The following DCBLD2 variants were observed in gnomAD, a reference collection of about 807,000 sequenced individuals.
The protein encoded by DCBLD2 is discoidin, CUB and LCCL domain containing 2.
Under a neutral mutation model 86.8 loss-of-function variants are expected in DCBLD2, and 54 were observed. That is an observed-to-expected ratio of 0.62 (90% CI 0.50 to 0.78). DCBLD2 has a LOEUF of 0.78. DCBLD2 is among the 30% of genes least tolerant of loss of function. The pLI, the probability that DCBLD2 is intolerant of heterozygous loss-of-function variation, is 0.00. For missense variants in DCBLD2, 908 were observed against 954.2 expected (o/e 0.95, Z 0.64); for synonymous variants, 354 against 341.3 (o/e 1.04, Z -0.41).
At chr3:98,865,782 C>T (rs1666287733) in intron 2 of DCBLD2, among the ~76,000 whole-genome samples, 1 of 152,088 alleles carries the variant, frequency 6.6e-6, no homozygotes, top group South Asian at 2.1e-4. Flanking sequence ...CATATGTATA[C>T]ATGTGACACG....
At chr3:98,875,997 G>T (rs963238828) in intron 2 of DCBLD2, among the ~76,000 whole-genome samples, 1 of 151,960 alleles carries the variant, frequency 6.6e-6, no homozygotes, top group Non-Finnish European at 1.5e-5. Flanking sequence ...ATAGGAAGAA[G>T]CTTTCTAACT....
chr3:98,863,694 C>T (rs555267464), intron 2 of DCBLD2, among the ~76,000 whole-genome samples: 2 of 152,190 alleles, frequency 1.3e-5, no homozygotes, highest in African/African-American at 4.8e-5. Context: ...CTTCCTTACA[C>T]CTTATACAAA....
intron 2 of DCBLD2, among the ~76,000 whole-genome samples, chr3:98,870,124 A>C (rs1163358368): frequency 9.4e-6 from 1 of 106,030 alleles, no homozygotes; most frequent in Non-Finnish European, 2.1e-5. Context: ...GTAGACGGTG[A>C]GAGATAGGGA....
chr3:98,839,208 T>TTCCTTCC lies in DCBLD2; in HGVS notation c.571+10252_571+10253insGGAAGGA, dbSNP rs1401408187. Among the ~76,000 whole-genome samples, 116 of 107,646 alleles carry TTCCTTCC rather than the reference T, an allele frequency of 1.1e-3. 1 individual carries two copies. Among genetic ancestry groups the TTCCTTCC allele is most frequent in the African/African-American group, 3.4e-3 (114 of 33,518 alleles). The allele number at this position is 107,646 out of a possible 152,430, so 70.6% of individuals were successfully genotyped here. ...CCTTCCTTCCTTCCTTCCTTCCTTC[T>TTCCTTCC]TTCTTTCCTTCTTTCCTTCTCTCTC... On this transcript the variant is annotated intron_variant, in intron 3 of 15. Coordinates refer to ENST00000326840, the MANE Select transcript of DCBLD2 (RefSeq NM_080927.4).
intron 4 of DCBLD2, among the ~76,000 whole-genome samples, chr3:98,823,521 G>C (rs978672841): frequency 1.3e-5 from 2 of 152,142 alleles, no homozygotes; most frequent in African/African-American, 4.8e-5. Flanking sequence ...GCAGTACTAG[G>C]TACTGGGTTT....
At chr3:98,888,693 C>T (rs934447248) in intron 1 of DCBLD2, among the ~76,000 whole-genome samples, 1 of 151,882 alleles carries the variant, frequency 6.6e-6, no homozygotes, top group Admixed American at 6.6e-5. Flanking sequence ...TACAATCTGG[C>T]GAAAGTTAAG....
intron 2 of DCBLD2, among the ~76,000 whole-genome samples, chr3:98,875,439 G>C (rs1045997594): frequency 6.6e-6 from 1 of 152,046 alleles, no homozygotes; most frequent in African/African-American, 2.4e-5. Flanking sequence ...GAAAAAAAAA[G>C]AGCTCTTGGT....
intron 3 of DCBLD2, among the ~76,000 whole-genome samples, chr3:98,842,065 A>G (rs1451139577): frequency 2.6e-5 from 4 of 152,220 alleles, no homozygotes; most frequent in Non-Finnish European, 4.4e-5. Context: ...ACTCCATCTC[A>G]AAAAAGAAAG....
rs1559794673 is a variant in DCBLD2, at chr3:98,870,806, A to AAAGAAAGAAAGAAAGGAAGG, written c.433+10733_433+10734insCCTTCCTTTCTTTCTTTCTT. Among the ~76,000 whole-genome samples the AAAGAAAGAAAGAAAGGAAGG allele has an allele frequency of 1.3e-3, 164 of 123,388 alleles. 1 individual carries two copies. Among genetic ancestry groups the AAAGAAAGAAAGAAAGGAAGG allele is most frequent in the South Asian group, 2.4e-3 (9 of 3,730 alleles). 80.9% of individuals were successfully genotyped at this position (123,388 alleles called of 152,430 possible). A position where few individuals can be genotyped will look rare whatever the true frequency, so the allele number is the denominator to read the frequency against. On this transcript the variant is annotated intron_variant, in intron 2 of 15. Transcript: ENST00000326840. ...GAAAGAAAGAAAGAAAGAAAGAAAG[A>AAAGAAAGAAAGAAAGGAAGG]AAGAAAGGTAGGCAGGCATTGGTGG...
At chr3:98,822,518 G>T in intron 5 of DCBLD2, 151 bp downstream of exon 5, 2 of 1,240,676 alleles carry the variant, frequency 1.6e-6, no homozygotes, top group Non-Finnish European at 2.2e-6. Context: ...AACAGTTTTA[G>T]CAGAAGAAAA....
chr3:98,864,440 A>T (rs569895115), intron 2 of DCBLD2, among the ~76,000 whole-genome samples: 132 of 152,332 alleles, frequency 8.7e-4, no homozygotes, highest in African/African-American at 2.8e-3. Context: ...AATAGCAAAG[A>T]CTTGGAACCA....
intron 3 of DCBLD2, among the ~76,000 whole-genome samples, chr3:98,836,914 C>A (rs1276112873): frequency 3.0e-5 from 2 of 66,972 alleles, no homozygotes; most frequent in African/African-American, 1.2e-4. Context: ...GCTGGCCGGG[C>A]GGGGGGCTGA....
intron 2 of DCBLD2, among the ~76,000 whole-genome samples, chr3:98,862,596 T>G (rs958432513): frequency 3.9e-5 from 6 of 152,192 alleles, no homozygotes; most frequent in African/African-American, 1.4e-4. Context: ...ATCCAGCATA[T>G]AAACAGAACC....
chr3:98,831,749 G>T (rs894649780), intron 3 of DCBLD2, among the ~76,000 whole-genome samples: 14 of 152,064 alleles, frequency 9.2e-5, no homozygotes, highest in African/African-American at 3.1e-4. Context: ...TAATTGCATG[G>T]TTTTGAGCCA....
In DCBLD2 at chr3:98,797,036, T is replaced by TA. The variant is rs56369137; in HGVS notation, c.*2335dup. The TA allele has an allele frequency of 1.4e-4, 19 of 133,376 alleles. No individual in the cohort carries two copies. The highest frequency in any genetic ancestry group is 4.8e-4 in the African/African-American group (17 of 35,628). The allele number at this position is 133,376 out of a possible 1,614,324, so 8.3% of individuals were successfully genotyped here. ...ATATGTATCAGACATATAAATGTAG[T>TA]AAAAAAAAAAAAAAAAAAAATAGAA... On this transcript the variant is annotated 3_prime_UTR_variant, in exon 16 of 16. Transcript: ENST00000326840.
chr3:98,853,203 C>G (rs920648042), intron 2 of DCBLD2, among the ~76,000 whole-genome samples: 3 of 152,298 alleles, frequency 2.0e-5, no homozygotes, highest in Non-Finnish European at 4.4e-5. Flanking sequence ...AGCCCACAGG[C>G]CTCTTGGTCT....
intron 3 of DCBLD2, among the ~76,000 whole-genome samples, chr3:98,836,509 C>G (rs559112261): frequency 1.9e-3 from 267 of 140,596 alleles, no homozygotes; most frequent in Admixed American, 6.2e-3. Flanking sequence ...ACACAGACAC[C>G]GCAACCATCC....
chr3:98,858,103 C>T (rs558215280), intron 2 of DCBLD2, among the ~76,000 whole-genome samples: 9 of 152,218 alleles, frequency 5.9e-5, no homozygotes, highest in Non-Finnish European at 1.0e-4. Flanking sequence ...CTGCAGGTCC[C>T]GAGCCCTGCC....
intron 1 of DCBLD2, among the ~76,000 whole-genome samples, chr3:98,891,071 G>C (rs917127898): frequency 5.9e-5 from 9 of 151,926 alleles, no homozygotes; most frequent in African/African-American, 1.5e-4. Context: ...TTACAATATA[G>C]GGAGTAAGAC....
Sources: gnomAD v4.1 joint callset for allele counts (sites outside exome capture counted in the v4.1 genomes callset) on GRCh38, gnomAD v4.1.1 for gene constraint, MANE v1.5 for transcripts, NCBI Gene and HGNC (gene_info 2026-07-23, HGNC 2026-07-21) for gene names.